The following FBN2 variants were observed in gnomAD, a reference collection of about 807,000 sequenced individuals.
FBN2 encodes the protein fibrillin-2.
A neutral mutation model predicts 355.6 loss-of-function variants in FBN2; 105 were observed. The observed-to-expected ratio is 0.30, with a 90% confidence interval of 0.25 to 0.35. FBN2 has a LOEUF of 0.35. FBN2 is among the 10% of genes least tolerant of loss of function. The probability of loss-of-function intolerance (pLI) is 1.00; values close to 1 mark genes in which losing one functional copy is unlikely to be tolerated. For synonymous variants in FBN2, 1,350 were observed against 1,301.2 expected, an observed-to-expected ratio of 1.04 and a Z score of -0.81; for missense variants, 3,280 against 3,758.7, an observed-to-expected ratio of 0.87 and a Z score of 3.33.
intron 61 of FBN2, 56 bp downstream of exon 61, chr5:128,273,784 A>T (rs1414387547): frequency 1.9e-6 from 3 of 1,568,000 alleles, no homozygotes; most frequent in African/African-American, 1.4e-5. Flanking sequence ...TTGGAAGTTA[A>T]AAATATATAT....
At chr5:128,448,421 C>T (rs1754133843) in intron 6 of FBN2, among the ~76,000 whole-genome samples, 2 of 151,986 alleles carry the variant, frequency 1.3e-5, no homozygotes, top group Admixed American at 1.3e-4. Context: ...ATTCTCCTGC[C>T]TCAGCCTTCC....
chr5:128,441,621 C>T (rs980838663), intron 7 of FBN2, among the ~76,000 whole-genome samples: 4 of 152,104 alleles, frequency 2.6e-5, no homozygotes, highest in African/African-American at 9.7e-5. Context: ...ATTAATACAG[C>T]TTTTATTAAT....
intron 58 of FBN2, 76 bp from the exon 59 acceptor site, chr5:128,276,236 A>C: frequency 8.5e-5 from 125 of 1,469,448 alleles, no homozygotes; most frequent in Non-Finnish European, 1.1e-4. Context: ...CCATATTCTC[A>C]CTTCATTCTT....
chr5:128,368,101 C>T (rs1024977217), intron 16 of FBN2, among the ~76,000 whole-genome samples: 1 of 152,150 alleles, frequency 6.6e-6, no homozygotes, highest in East Asian at 1.9e-4. Flanking sequence ...ACAAATTGCT[C>T]CTTCCTCTGT....
chr5:128,392,256 A>G (rs1752536779), intron 10 of FBN2, 101 bp from the exon 11 acceptor site: 1 of 953,928 alleles, frequency 1.0e-6, no homozygotes, highest in Non-Finnish European at 1.6e-6. Context: ...AATTAGATGT[A>G]TATCAGAAGC....
intron 5 of FBN2, among the ~76,000 whole-genome samples, chr5:128,483,520 T>A (rs1003773909): frequency 5.3e-5 from 8 of 151,920 alleles, no homozygotes; most frequent in African/African-American, 1.7e-4. Flanking sequence ...TTTTTTTAAA[T>A]CTTGCAAGAG....
chr5:128,267,618 T>C (rs957286521), intron 62 of FBN2, among the ~76,000 whole-genome samples: 12 of 152,200 alleles, frequency 7.9e-5, no homozygotes, highest in African/African-American at 1.7e-4. Context: ...ATAAATGTTT[T>C]TTTTTGAGAA....
In FBN2 at chr5:128,364,619, G is replaced by A. The variant is rs1254098793; in HGVS notation, c.2409C>T (p.Ala803=). ...CNCNSGYEPD[A]SGRNCIDIDE... is the part of the protein sequence containing the mutation. ...ACTTACCAATACAGTTTCTTCCAGA[G>A]GCATCTGGTTCATAGCCACTGTTGC... Residue 803 remains alanine, a synonymous_variant, in exon 18 of 65, where the codon GCC becomes GCT. Coordinates refer to ENST00000262464, the MANE Select transcript of FBN2 (RefSeq NM_001999.4). 1 of 1,613,550 alleles carries A rather than the reference G, an allele frequency of 6.2e-7. No individual in the cohort carries two copies. The highest frequency in any genetic ancestry group is 2.2e-5 in the East Asian group (1 of 44,812).
chr5:128,532,192 C>T (rs541625462), intron 2 of FBN2, among the ~76,000 whole-genome samples: 1 of 152,278 alleles, frequency 6.6e-6, no homozygotes, highest in Admixed American at 6.5e-5. Flanking sequence ...TCAATAATTC[C>T]CTCTCCTTCC....
At chr5:128,351,067 G>A in intron 20 of FBN2, 62 bp from the exon 21 acceptor site, 1 of 1,581,422 alleles carries the variant, frequency 6.3e-7, no homozygotes, top group Non-Finnish European at 8.7e-7. Flanking sequence ...ATTCAGCTGT[G>A]TACACAAAAG....
Position 128,359,664 on chromosome 5 carries a change from T to A in FBN2, c.2554+2059A>T, listed in dbSNP as rs925155116. On this transcript the variant is annotated intron_variant, in intron 19 of 64. Coordinates refer to ENST00000262464, the MANE Select transcript of FBN2 (RefSeq NM_001999.4). ...TAAAATTGTTTTTACATTAAATAAA[T>A]CTCTCAGATTAAGTATGCTTGTAAT... Among the ~76,000 whole-genome samples the A allele has an allele frequency of 6.6e-5, 10 of 152,092 alleles. No homozygotes were observed. The East Asian group carries it at 9.6e-4, about 15-fold the overall frequency.
At chr5:128,462,708 G>C (rs1454578519) in intron 6 of FBN2, among the ~76,000 whole-genome samples, 2 of 152,068 alleles carry the variant, frequency 1.3e-5, no homozygotes, top group Admixed American at 6.5e-5. Context: ...AAAAAACTAG[G>C]CCTCTGACAA....
intron 10 of FBN2, 21 bp from the exon 11 acceptor site, chr5:128,392,176 A>T: frequency 6.2e-7 from 1 of 1,605,048 alleles, no homozygotes; most frequent in Non-Finnish European, 8.5e-7. Context: ...TTAAAGCACA[A>T]TTATATTTAA....
intron 5 of FBN2, among the ~76,000 whole-genome samples, chr5:128,476,531 C>G (rs1046458059): frequency 6.6e-6 from 1 of 150,436 alleles, no homozygotes; most frequent in Non-Finnish European, 1.5e-5. Context: ...TAAACTGAGT[C>G]AAAAAAAGAG....
At chr5:128,536,966 T>G (rs746852075) in intron 1 of FBN2, among the ~76,000 whole-genome samples, 1 of 151,794 alleles carries the variant, frequency 6.6e-6, no homozygotes, top group African/African-American at 2.4e-5. Flanking sequence ...AACAAAAGGC[T>G]CACGAGCGGC....
intron 5 of FBN2, among the ~76,000 whole-genome samples, chr5:128,487,917 T>C (rs1215779442): frequency 6.6e-6 from 1 of 152,154 alleles, no homozygotes; most frequent in Non-Finnish European, 1.5e-5. Context: ...GATTTCTTGA[T>C]TTATCACAAA....
chr5:128,276,316 A>T (rs1765393269), intron 58 of FBN2, among the ~76,000 whole-genome samples, 156 bp from the exon 59 acceptor site: 1 of 152,204 alleles, frequency 6.6e-6, no homozygotes, highest in Non-Finnish European at 1.5e-5. Context: ...GATTTTTTCT[A>T]AAGTAACATG....
chr5:128,355,811 C>T (rs1205664176), intron 20 of FBN2, among the ~76,000 whole-genome samples: 3 of 152,154 alleles, frequency 2.0e-5, no homozygotes, highest in Admixed American at 1.3e-4. Context: ...TAAATGAAAG[C>T]ACACAATACA....
At chr5:128,530,742 A>C (rs1756679584) in intron 2 of FBN2, 49 bp from the exon 3 acceptor site, 2 of 1,189,968 alleles carry the variant, frequency 1.7e-6, no homozygotes, top group Non-Finnish European at 2.5e-6. Flanking sequence ...ATAATAAACC[A>C]TAGTTTACAA....
Sources: gnomAD v4.1 joint callset for allele counts (sites outside exome capture counted in the v4.1 genomes callset) on GRCh38, gnomAD v4.1.1 for gene constraint, MANE v1.5 for transcripts, NCBI Gene and HGNC (gene_info 2026-07-23, HGNC 2026-07-21) for gene names.